RGS7: variants seen among roughly 807,000 people sequenced by gnomAD.
RGS7 encodes the protein regulator of G-protein signaling 7.
A neutral mutation model predicts 81.1 loss-of-function variants in RGS7; 27 were observed. The ratio of observed to expected loss-of-function variants is 0.33; its 90% CI spans 0.25 to 0.46. RGS7 has a LOEUF of 0.46. Among genes scored for constraint, RGS7 ranks in the 20% least tolerant of loss-of-function variants. RGS7 has a pLI of 1.00. For missense variants in RGS7, 396 were observed against 607.4 expected, an observed-to-expected ratio of 0.65 and a Z score of 3.66; for synonymous variants, 208 against 207.7, an observed-to-expected ratio of 1.00 and a Z score of -0.01.
chr1:241,168,021 TTC>T (rs2070405024), intron 2 of RGS7, among the ~76,000 whole-genome samples: 1 of 152,186 alleles, frequency 6.6e-6, no homozygotes, highest in Non-Finnish European at 1.5e-5. Flanking sequence ...TATTTGGAAT[TTC>T]TGTTATTTGC....
In RGS7 at chr1:240,835,347, C is replaced by T. The variant is rs142723971; in HGVS notation, c.610-8175G>A. On this transcript the variant is annotated intron_variant, in intron 9 of 18. Transcript: ENST00000440928. ...CAAATACATTTATACAAAGATGCTC[C>T]ACATCGTATGTCATTGGGAAAACGC... 2.5e-3 allele frequency among the ~76,000 whole-genome samples: 377 copies of T among 152,248 alleles called. 2 individuals are homozygous for T. Among genetic ancestry groups the T allele is most frequent in the African/African-American group, 8.4e-3 (350 of 41,542 alleles).
At chr1:240,817,262 G>A (rs1235749052) in intron 10 of RGS7, among the ~76,000 whole-genome samples, 1 of 152,128 alleles carries the variant, frequency 6.6e-6, no homozygotes, top group Non-Finnish European at 1.5e-5. Flanking sequence ...TTAAAATAAA[G>A]AATTTAATGT....
rs570191512 is a variant in RGS7 at position 241,054,111 on chromosome 1, A to G, written c.175+44555T>C. On this transcript the variant is annotated intron_variant, in intron 3 of 18. Coordinates refer to ENST00000440928, the MANE Select transcript of RGS7 (RefSeq NM_001364886.1). ...GAATTAATGGCCTGACAGTAATAAA[A>G]TAAGTAGAATAGAGTCCTTGATCTC... 1.1e-3 allele frequency among the ~76,000 whole-genome samples: 163 copies of G among 152,336 alleles called. 1 individual carries two copies. The highest frequency in any genetic ancestry group is 3.6e-3 in the African/African-American group (150 of 41,582).
chr1:241,180,097 G>A lies in RGS7; in HGVS notation c.79-81335C>T, dbSNP rs555250910. ...CTCTGATAAACACAGAAAGTGGGCC[G>A]GGCGCGGTGGCTCACACCTGTCATC... On this transcript the variant is annotated intron_variant, in intron 2 of 18. Transcript: ENST00000440928. Among the ~76,000 whole-genome samples the A allele has an allele frequency of 5.3e-5, 8 of 152,070 alleles. 1 individual carries two copies. The highest frequency in any genetic ancestry group is 6.8e-3 in the Middle Eastern group (2 of 292).
At chr1:240,995,411 AT>A (rs1239567943) in intron 3 of RGS7, among the ~76,000 whole-genome samples, 1 of 152,110 alleles carries the variant, frequency 6.6e-6, no homozygotes, top group African/African-American at 2.4e-5. Flanking sequence ...GTATAATTGA[AT>A]TTTTTTAAAG....
At chr1:240,993,108 A>AGGGG (rs1686726772) in intron 3 of RGS7, among the ~76,000 whole-genome samples, 1 of 87,222 alleles carries the variant, frequency 1.1e-5, no homozygotes, top group South Asian at 5.5e-4. Flanking sequence ...GGAGGGAGGG[A>AGGGG]GGGAGGGAAG....
rs190159944 is a variant in RGS7 at position 240,800,741 on chromosome 1, G to C, written c.1414-20C>G. On this transcript the variant is annotated intron_variant, in intron 17 of 18. Coordinates refer to ENST00000440928, the MANE Select transcript of RGS7 (RefSeq NM_001364886.1). ...TCTGCCCTATAAAAATAAATGTGTT[G>C]AAGGCTTTAGTTTGAGCTTACACAA... 1 of 1,462,318 alleles carries C rather than the reference G, an allele frequency of 6.8e-7. No homozygotes were observed. Among genetic ancestry groups the C allele is most frequent in the African/African-American group, 1.4e-5 (1 of 71,154 alleles). 90.6% of individuals were successfully genotyped at this position (1,462,318 alleles called of 1,614,324 possible). A position where few individuals can be genotyped will look rare whatever the true frequency, so the allele number is the denominator to read the frequency against.
intron 6 of RGS7, among the ~76,000 whole-genome samples, chr1:240,913,778 C>T (rs770709250): frequency 7.3e-5 from 11 of 150,992 alleles, no homozygotes; most frequent in Non-Finnish European, 1.5e-5. Flanking sequence ...CCCAGAGCAT[C>T]TGTAATTTTG....
At chr1:240,810,268 C>A (rs1935575) in intron 14 of RGS7, among the ~76,000 whole-genome samples, 92,790 of 151,766 alleles carry the variant, frequency 0.61, 29,954 homozygotes, top group Non-Finnish European at 0.73. Flanking sequence ...TGAGAGAAGG[C>A]GATGTTTTTA....
chr1:240,865,810 G>C (rs949649250), intron 9 of RGS7, among the ~76,000 whole-genome samples: 4 of 152,136 alleles, frequency 2.6e-5, no homozygotes, highest in African/African-American at 7.2e-5. Flanking sequence ...ACCTTAGAAA[G>C]TTCTTGTCAT....
intron 2 of RGS7, among the ~76,000 whole-genome samples, chr1:241,274,290 G>A (rs1453430055): frequency 6.6e-6 from 1 of 152,000 alleles, no homozygotes; most frequent in Non-Finnish European, 1.5e-5. Context: ...ATTTTTTGTT[G>A]GATATGTAAA....
intron 3 of RGS7, among the ~76,000 whole-genome samples, chr1:241,009,517 G>T (rs1318013421): frequency 6.6e-6 from 1 of 152,198 alleles, no homozygotes; most frequent in East Asian, 1.9e-4. Flanking sequence ...AAGGTCCTTT[G>T]GGTCCCTGTG....
chr1:240,926,091 A>G (rs1291033183), intron 6 of RGS7, among the ~76,000 whole-genome samples: 1 of 152,138 alleles, frequency 6.6e-6, no homozygotes, highest in Non-Finnish European at 1.5e-5. Flanking sequence ...AATTCTGTTG[A>G]TAGTTTCTTT....
intron 3 of RGS7, among the ~76,000 whole-genome samples, chr1:241,000,544 A>ACTTT (rs1687976060): frequency 1.3e-5 from 2 of 152,056 alleles, no homozygotes; most frequent in African/African-American, 2.4e-5. Flanking sequence ...AGATGGTAAG[A>ACTTT]CTTTCTTTTT....
chr1:240,934,608 T>C (rs1236587195), intron 5 of RGS7, among the ~76,000 whole-genome samples: 2 of 152,174 alleles, frequency 1.3e-5, no homozygotes, highest in African/African-American at 4.8e-5. Flanking sequence ...TTGTTATATT[T>C]AGATACTATT....
At chr1:241,178,609 G>A (rs867310455) in intron 2 of RGS7, among the ~76,000 whole-genome samples, 1 of 152,172 alleles carries the variant, frequency 6.6e-6, no homozygotes, top group Non-Finnish European at 1.5e-5. Context: ...GTTTCAGGAA[G>A]GAGGACATGG....
At chr1:240,924,991 A>G (rs913348770) in intron 6 of RGS7, among the ~76,000 whole-genome samples, 3 of 152,174 alleles carry the variant, frequency 2.0e-5, no homozygotes, top group African/African-American at 7.2e-5. Context: ...AGTACAGGGG[A>G]GGCTCCTGTC....
intron 2 of RGS7, among the ~76,000 whole-genome samples, chr1:241,296,543 T>A (rs1325295534): frequency 6.6e-6 from 1 of 152,206 alleles, no homozygotes; most frequent in Admixed American, 6.5e-5. Context: ...TAAAAACACA[T>A]CTGGAGTCCA....
At chr1:240,878,075 C>T (rs545125772) in intron 6 of RGS7, among the ~76,000 whole-genome samples, 175 of 152,114 alleles carry the variant, frequency 1.2e-3, no homozygotes, top group Non-Finnish European at 2.1e-3. Context: ...ACCTTCCACC[C>T]TGCCTGAGCC....
Sources: allele counts gnomAD v4.1 joint callset (sites outside exome capture counted in the v4.1 genomes callset), GRCh38; gene constraint gnomAD v4.1.1; transcripts MANE v1.5; gene names NCBI Gene and HGNC (gene_info 2026-07-23, HGNC 2026-07-21).